The following KIAA1549 variants were observed in gnomAD, a reference collection of about 807,000 sequenced individuals.
KIAA1549 encodes KIAA1549.
KIAA1549 carries 70 observed loss-of-function variants against 156.4 expected under a neutral mutation model. That is an observed-to-expected ratio of 0.45 (90% CI 0.37 to 0.55). The LOEUF (loss-of-function observed/expected upper bound fraction) is 0.55. KIAA1549 is among the 20% of genes least tolerant of loss of function. The probability of loss-of-function intolerance (pLI) is 0.00; values close to 1 mark genes in which losing one functional copy is unlikely to be tolerated. For missense variants in KIAA1549, 2,428 were observed against 2,540.9 expected (o/e 0.96, Z 0.96); for synonymous variants, 1,103 against 1,066.4 (o/e 1.03, Z -0.67).
chr7:138,894,200 A>C, intron 10 of KIAA1549, 142 bp downstream of exon 10: 1 of 759,584 alleles, frequency 1.3e-6, no homozygotes, highest in Non-Finnish European at 2.1e-6. Flanking sequence ...ACAAAGGCAA[A>C]GTGATACCAC....
chr7:138,915,676 G>A (rs921948512), intron 2 of KIAA1549, among the ~76,000 whole-genome samples: 1 of 150,376 alleles, frequency 6.6e-6, no homozygotes, highest in African/African-American at 2.5e-5. Flanking sequence ...TCTCCTTCCC[G>A]GTCCACTCCA....
Position 138,919,258 on chromosome 7 carries a change from A to C in KIAA1549, c.368T>G (p.Phe123Cys). 1 of 1,614,012 alleles carries C rather than the reference A, an allele frequency of 6.2e-7. No homozygotes were observed. Among genetic ancestry groups the C allele is most frequent in the Non-Finnish European group, 8.5e-7 (1 of 1,179,896 alleles). ...PSATTFDTAF[F>C]NQGKQTKSTA... ...ACTTTTGGTCTGTTTTCCTTGGTTAAAAAAGGCTGTATCAAAAGTAGTGGC... is the reference window on the plus strand; with the variant it reads ...ACTTTTGGTCTGTTTTCCTTGGTTACAAAAGGCTGTATCAAAAGTAGTGGC... Residue 123 changes from phenylalanine to cysteine, a missense_variant, in exon 2 of 20, where the codon TTT becomes TGT. Coordinates refer to ENST00000422774, the MANE Select transcript of KIAA1549 (RefSeq NM_001164665.2).
intron 1 of KIAA1549, among the ~76,000 whole-genome samples, chr7:138,954,516 G>C (rs1319310757): frequency 6.6e-6 from 1 of 152,106 alleles, no homozygotes; most frequent in Non-Finnish European, 1.5e-5. Context: ...GGCTCTCTAC[G>C]ATAGCCTGGG....
chr7:138,849,946 T>G (rs1810191601), intron 17 of KIAA1549, among the ~76,000 whole-genome samples: 1 of 152,198 alleles, frequency 6.6e-6, no homozygotes, highest in Non-Finnish European at 1.5e-5. Flanking sequence ...TACCACTTTT[T>G]TTTTATCCGA....
chr7:138,870,447 TAATA>T (rs1371664829), intron 13 of KIAA1549, among the ~76,000 whole-genome samples: 1 of 152,208 alleles, frequency 6.6e-6, no homozygotes, highest in Non-Finnish European at 1.5e-5. Context: ...TAGAGATCTT[TAATA>T]AATAGGACTG....
chr7:138,972,772 C>T (rs1016793528), intron 1 of KIAA1549, among the ~76,000 whole-genome samples: 1 of 152,076 alleles, frequency 6.6e-6, no homozygotes, highest in Non-Finnish European at 1.5e-5. Context: ...GTAAATTAGC[C>T]ATGAGGTCCT....
At position 138,918,349 on chromosome 7, in the gene KIAA1549, A is replaced by T; in HGVS notation, c.1277T>A (p.Val426Glu). 2 of 1,613,990 alleles carry T rather than the reference A, an allele frequency of 1.2e-6. No individual in the cohort carries two copies. Among genetic ancestry groups the T allele is most frequent in the Non-Finnish European group, 1.7e-6 (2 of 1,179,898 alleles). ...RPYTWCAACTVPSPQQVLATS... is the reference protein window; with the variant it reads ...RPYTWCAACTEPSPQQVLATS... ...GGCCAGAACTTGCTGAGGTGAAGGC[A>T]CAGTGCAGGCCGCACACCAAGTGTA... Residue 426 changes from valine to glutamate, a missense_variant, in exon 2 of 20, where the codon GTG (valine) becomes GAG (glutamate). By Grantham distance (121) the Val-to-Glu change is moderately radical (BLOSUM62 -2). Around this residue, in one of 5 missense-constraint regions of KIAA1549, gnomAD observed 893 missense variants for 847.9 expected, o/e 1.05. Transcript: ENST00000422774. This position sits in a 1 kb window ranked among gnomAD's most constrained non-coding sequence, Gnocchi z 4.2.
At chr7:138,870,328 T>C (rs1322962402) in intron 13 of KIAA1549, among the ~76,000 whole-genome samples, 1 of 151,930 alleles carries the variant, frequency 6.6e-6, no homozygotes, top group Admixed American at 6.6e-5. Flanking sequence ...CACTGGAGTC[T>C]TGTCACCATC....
intron 1 of KIAA1549, among the ~76,000 whole-genome samples, chr7:138,937,000 C>G (rs1813033267): frequency 6.6e-6 from 1 of 152,128 alleles, no homozygotes; most frequent in Non-Finnish European, 1.5e-5. Flanking sequence ...AGGAAAGAAA[C>G]AATCAAACTA....
intron 1 of KIAA1549, among the ~76,000 whole-genome samples, chr7:138,945,761 A>G (rs561203693): frequency 6.6e-6 from 1 of 152,320 alleles, no homozygotes; most frequent in East Asian, 1.9e-4. Context: ...TAGATTATAA[A>G]AGATTGGTTT....
chr7:138,879,554 G>A lies in KIAA1549; in HGVS notation c.4329C>T (p.His1443=), dbSNP rs1358560855. The stretch of plus-strand genomic sequence containing the variant: ...GTCACAGACCGCTCTGCGGAGCTCT[G>A]TGGGACCTGCCATCGTTGACGGCTC... ...TPGAVNDGRS[H]RAPQSGPPLP... The change falls in exon 12 of 20, where the codon CAC becomes CAT. Residue 1443 remains histidine (H), a synonymous_variant. Coordinates refer to ENST00000422774, the MANE Select transcript of KIAA1549 (RefSeq NM_001164665.2). 10 of 1,563,278 alleles carry A rather than the reference G, an allele frequency of 6.4e-6. No individual in the cohort carries two copies. The highest frequency in any genetic ancestry group is 1.4e-5 in the African/African-American group (1 of 73,720).
In KIAA1549 at chr7:138,919,220, T is replaced by C. The variant is rs748103024; in HGVS notation, c.406A>G (p.Ser136Gly). The C allele has an allele frequency of 1.2e-6, 2 of 1,614,012 alleles. No individual in the cohort carries two copies. Among genetic ancestry groups the C allele is most frequent in the Non-Finnish European group, 1.7e-6 (2 of 1,179,888 alleles). Residue 136 changes from serine (S) to glycine (G), a missense_variant, in exon 2 of 20, where the codon AGC (serine) becomes GGC (glycine). Physicochemically the swap from Ser to Gly is moderately conservative, Grantham distance 56. Around this residue, in one of 5 missense-constraint regions of KIAA1549, gnomAD observed 893 missense variants for 847.9 expected, o/e 1.05. Coordinates refer to ENST00000422774, the MANE Select transcript of KIAA1549 (RefSeq NM_001164665.2). The part of the protein sequence containing the change: ...GKQTKSTADP[S>G]IFVATYVSVT... ...GACACGTAAGTTGCCACAAAGATGCTGGGATCTGCTGTACTTTTGGTCTGT... is the reference window on the plus strand; with the variant it reads ...GACACGTAAGTTGCCACAAAGATGCCGGGATCTGCTGTACTTTTGGTCTGT...
intron 1 of KIAA1549, among the ~76,000 whole-genome samples, chr7:138,925,874 T>TA (rs1385262196): frequency 1.5e-4 from 22 of 146,566 alleles, no homozygotes; most frequent in African/African-American, 5.6e-4. Flanking sequence ...TAAACTATGT[T>TA]AGAGTACAAT....
intron 18 of KIAA1549, 126 bp downstream of exon 18, chr7:138,844,191 G>C: frequency 9.2e-7 from 1 of 1,088,214 alleles, no homozygotes; most frequent in Non-Finnish European, 1.4e-6. Flanking sequence ...GGATATGAGG[G>C]GAAACAGCCC....
intron 18 of KIAA1549, among the ~76,000 whole-genome samples, chr7:138,840,863 A>C (rs1238679883): frequency 6.6e-6 from 1 of 152,038 alleles, no homozygotes; most frequent in Non-Finnish European, 1.5e-5. Flanking sequence ...ACTGTTTTGG[A>C]AACACCCTGT....
In KIAA1549 at chr7:138,918,258, C is replaced by T; in HGVS notation, c.1368G>A (p.Leu456=). 1 of 1,614,000 alleles carries T rather than the reference C, an allele frequency of 6.2e-7. No individual in the cohort carries two copies. Among genetic ancestry groups the T allele is most frequent in the Non-Finnish European group, 8.5e-7 (1 of 1,179,884 alleles). Residue 456 remains leucine (L), a synonymous_variant, in exon 2 of 20, where the codon CTG becomes CTA. Coordinates refer to ENST00000422774, the MANE Select transcript of KIAA1549 (RefSeq NM_001164665.2). This position sits in a 1 kb window ranked among gnomAD's most constrained non-coding sequence, Gnocchi z 4.2. The part of the protein sequence containing the change: ...DGAETLCMTV[L]EESSISLMSS... ...TCATTAGAGAGATGCTGCTTTCTTC[C>T]AGCACGGTCATGCACAGAGTCTCGG...
chr7:138,952,971 T>C (rs17680425), intron 1 of KIAA1549, among the ~76,000 whole-genome samples: 3,502 of 152,384 alleles, frequency 0.023, 68 homozygotes, highest in Admixed American at 0.038. Context: ...GTGATGGATT[T>C]ACCCGTAAGG....
chr7:138,878,156 C>T (rs1436969340), intron 12 of KIAA1549, among the ~76,000 whole-genome samples: 1 of 152,196 alleles, frequency 6.6e-6, no homozygotes, highest in Non-Finnish European at 1.5e-5. Context: ...CTTAACATTA[C>T]AAAAGAACCA....
intron 10 of KIAA1549, among the ~76,000 whole-genome samples, chr7:138,892,845 G>A (rs1216117355): frequency 6.6e-6 from 1 of 152,108 alleles, no homozygotes; most frequent in Non-Finnish European, 1.5e-5. Flanking sequence ...AAAATAAATA[G>A]GGCAATCTTT....
Sources: allele counts gnomAD v4.1 joint callset (sites outside exome capture counted in the v4.1 genomes callset), GRCh38; gene constraint gnomAD v4.1.1; regional missense constraint gnomAD v4.1.1; non-coding constraint Gnocchi (gnomAD v3.1); transcripts MANE v1.5; gene names NCBI Gene and HGNC (gene_info 2026-07-23, HGNC 2026-07-21).